The following DIAPH2 variants were observed in gnomAD, a reference collection of about 807,000 sequenced individuals.
The protein encoded by DIAPH2 is diaphanous related formin 2, also known as protein diaphanous homolog 2.
In DIAPH2, 35 loss-of-function variants were observed where a neutral mutation model predicts 92.7. The ratio of observed to expected loss-of-function variants is 0.38; its 90% CI spans 0.29 to 0.50. The LOEUF is 0.50. Among genes scored for constraint, DIAPH2 ranks in the 20% least tolerant of loss-of-function variants. The pLI is 0.94. For synonymous variants in DIAPH2, 301 were observed against 280.4 expected, an observed-to-expected ratio of 1.07 and a Z score of -0.73; for missense variants, 701 against 819.5, an observed-to-expected ratio of 0.86 and a Z score of 1.77.
rs771573882 is a variant in DIAPH2 at position 97,304,509 on chromosome X, C to T, written c.2845-43607C>T. ...GAACAGAACAACACTGAAAAAGGCC[C>T]GGATAGATATATTGCTAGAAACAGT... On this transcript the variant is annotated intron_variant, in intron 23 of 26. Coordinates refer to ENST00000324765, the MANE Select transcript of DIAPH2 (RefSeq NM_006729.5). Among the ~76,000 whole-genome samples, 7 of 111,956 alleles carry T rather than the reference C, an allele frequency of 6.3e-5. No individual in the cohort carries two copies. The South Asian group carries it at 2.6e-3, about 42-fold the overall frequency.
chrX:97,069,324 T>A (rs1238573144), intron 17 of DIAPH2, among the ~76,000 whole-genome samples: 1 of 111,225 alleles, frequency 9.0e-6, no homozygotes, highest in African/African-American at 3.3e-5. Flanking sequence ...CAACACATAA[T>A]GTGATGCTGA....
At chrX:96,876,822 A>G (rs2065183119) in intron 4 of DIAPH2, among the ~76,000 whole-genome samples, 1 of 110,275 alleles carries the variant, frequency 9.1e-6, no homozygotes, top group African/African-American at 3.3e-5. Flanking sequence ...TGATGGGTTA[A>G]TGGGTGCAGC....
At chrX:96,960,451 A>T (rs1201981768) in intron 16 of DIAPH2, among the ~76,000 whole-genome samples, 14 of 110,248 alleles carry the variant, frequency 1.3e-4, no homozygotes, top group Non-Finnish European at 2.3e-4. Context: ...TTGTGTGTTG[A>T]TTTTGTATCC....
chrX:96,712,915 T>A lies in DIAPH2; in HGVS notation c.133-22843T>A, dbSNP rs895416143. Reference sequence around the variant, plus strand: ...TATCCCTCTTGATACTCTCTGCTTTTGAATTTACCAAGCAGAGGAGAGAGC... The same window carrying A: ...TATCCCTCTTGATACTCTCTGCTTTAGAATTTACCAAGCAGAGGAGAGAGC... On this transcript the variant is annotated intron_variant, in intron 1 of 26. Transcript: ENST00000324765. 2.7e-5 allele frequency among the ~76,000 whole-genome samples: 3 copies of A among 111,421 alleles called. No homozygotes were observed. The Admixed American group carries it at 2.9e-4, about 11-fold the overall frequency.
chrX:97,094,891 G>T (rs2066853930), intron 19 of DIAPH2, among the ~76,000 whole-genome samples: 2 of 110,380 alleles, frequency 1.8e-5, no homozygotes, highest in Non-Finnish European at 3.8e-5. Context: ...GTACTGGCAT[G>T]AAACTGTCAT....
chrX:97,585,862 G>T (rs2071476653), intron 26 of DIAPH2, among the ~76,000 whole-genome samples: 1 of 111,655 alleles, frequency 9.0e-6, no homozygotes, highest in Admixed American at 9.5e-5. Context: ...TTATTTTACT[G>T]CATCTTTCTA....
chrX:96,934,583 T>C (rs1390317510), intron 10 of DIAPH2, among the ~76,000 whole-genome samples: 1 of 111,621 alleles, frequency 9.0e-6, no homozygotes, highest in African/African-American at 3.2e-5. Context: ...GACAACGAAT[T>C]TTTAAATTAT....
chrX:97,185,486 T>TATATATATATATATACAC (rs2067593302), intron 22 of DIAPH2, among the ~76,000 whole-genome samples: 10 of 14,742 alleles, frequency 6.8e-4, no homozygotes, highest in Admixed American at 1.1e-3. Flanking sequence ...TATATATATA[T>TATATATATATATATACAC]ATATATATAT....
At chrX:97,414,433 G>A (rs995752903) in intron 25 of DIAPH2, among the ~76,000 whole-genome samples, 4 of 110,894 alleles carry the variant, frequency 3.6e-5, no homozygotes, top group Non-Finnish European at 7.6e-5. Flanking sequence ...GGTGGATCAC[G>A]AGTTCAGGAG....
At chrX:96,942,368 A>T (rs2065710726) in intron 13 of DIAPH2, among the ~76,000 whole-genome samples, 2 of 110,263 alleles carry the variant, frequency 1.8e-5, no homozygotes, top group Non-Finnish European at 3.8e-5. Flanking sequence ...AAGTTCCAAC[A>T]CTCCTGGAGG....
chrX:96,721,396 C>T (rs776079187), intron 1 of DIAPH2, among the ~76,000 whole-genome samples: 120 of 112,061 alleles, frequency 1.1e-3, no homozygotes, highest in African/African-American at 3.7e-3. Flanking sequence ...CTGGTATATG[C>T]TCATGAGAGT....
chrX:97,461,980 C>T (rs1365937877), intron 26 of DIAPH2, among the ~76,000 whole-genome samples: 1 of 110,956 alleles, frequency 9.0e-6, no homozygotes, highest in African/African-American at 3.3e-5. Context: ...AAGAAAAAAG[C>T]TCCAGGCTTA....
At chrX:97,420,500 C>T (rs1005061718) in intron 25 of DIAPH2, among the ~76,000 whole-genome samples, 1 of 111,755 alleles carries the variant, frequency 8.9e-6, no homozygotes, top group Non-Finnish European at 1.9e-5. Flanking sequence ...GTAGTATTCA[C>T]TATGAAGTTT....
intron 22 of DIAPH2, among the ~76,000 whole-genome samples, chrX:97,144,600 T>A (rs2067230478): frequency 1.4e-5 from 1 of 71,151 alleles, no homozygotes; most frequent in Non-Finnish European, 2.7e-5. Context: ...TATATAGATA[T>A]TTATATATGT....
chrX:96,956,061 C>A (rs1170831503), intron 15 of DIAPH2, among the ~76,000 whole-genome samples: 1 of 112,620 alleles, frequency 8.9e-6, no homozygotes, highest in Non-Finnish European at 1.9e-5. Context: ...TCCATAAGGG[C>A]TCCACCCCTG....
At chrX:97,125,550 T>C in intron 21 of DIAPH2, among the ~76,000 whole-genome samples, 1 of 99,964 alleles carries the variant, frequency 1.0e-5, no homozygotes, top group African/African-American at 3.6e-5. Flanking sequence ...CTACCAATAA[T>C]AAGCATTAAA....
chrX:97,083,877 T>C (rs2066765090), intron 19 of DIAPH2, among the ~76,000 whole-genome samples: 1 of 111,739 alleles, frequency 8.9e-6, no homozygotes, highest in African/African-American at 3.3e-5. Flanking sequence ...AAAGTACTCA[T>C]GTTAAGCTCT....
intron 26 of DIAPH2, among the ~76,000 whole-genome samples, chrX:97,448,484 A>G (rs1183712038): frequency 8.9e-6 from 1 of 112,124 alleles, no homozygotes; most frequent in East Asian, 2.8e-4. Context: ...CTGCCACTTA[A>G]GCGTTAATAG....
rs1384046748 is a variant in DIAPH2, at chrX:96,962,302, TATATATATAC to T, written c.1936-2781_1936-2772del. Among the ~76,000 whole-genome samples the T allele has an allele frequency of 2.0e-3, 81 of 40,110 alleles. 3 individuals carry two copies. The highest frequency in any genetic ancestry group is 6.7e-3 in the African/African-American group (79 of 11,879). 34.8% of individuals were successfully genotyped at this position (40,110 alleles called of 115,157 possible). On this transcript the variant is annotated intron_variant, in intron 16 of 26. Coordinates refer to ENST00000324765, the MANE Select transcript of DIAPH2 (RefSeq NM_006729.5). ...ATATATATACATATATATATATACATATATATATACATATATATATACACATATATATATA... is the reference window on the plus strand; with the variant it reads ...ATATATATACATATATATATATACATATATATATATACACATATATATATA...
Sources: gnomAD v4.1 joint callset for allele counts (sites outside exome capture counted in the v4.1 genomes callset) on GRCh38, gnomAD v4.1.1 for gene constraint, MANE v1.5 for transcripts, NCBI Gene and HGNC (gene_info 2026-07-23, HGNC 2026-07-21) for gene names.